The following CCDC13 variants were observed in gnomAD, a reference collection of about 807,000 sequenced individuals.
CCDC13 encodes the protein coiled-coil domain-containing protein 13.
Under a neutral mutation model 87.3 loss-of-function variants are expected in CCDC13, and 70 were observed. The ratio of observed to expected loss-of-function variants is 0.80; its 90% CI spans 0.66 to 0.98. The LOEUF is 0.98. Ranked by LOEUF, CCDC13 falls within the 50% of genes least tolerant of loss-of-function variation. CCDC13 has a pLI of 0.00. For synonymous variants in CCDC13, 317 were observed against 360.3 expected, an observed-to-expected ratio of 0.88 and a Z score of 1.36; for missense variants, 842 against 892.0, an observed-to-expected ratio of 0.94 and a Z score of 0.71.
At chr3:42,771,396 A>G (rs1036972498) in intron 1 of CCDC13, among the ~76,000 whole-genome samples, 3 of 152,154 alleles carry the variant, frequency 2.0e-5, no homozygotes, top group Non-Finnish European at 2.9e-5. Flanking sequence ...ACTGTTCTGT[A>G]TACTTTACTG....
intron 1 of CCDC13, among the ~76,000 whole-genome samples, chr3:42,771,758 ACAG>A (rs1314620890): frequency 2.7e-5 from 4 of 146,498 alleles, no homozygotes; most frequent in East Asian, 3.9e-4. Context: ...CTGTCTCAAT[ACAG>A]CAGCAGCAAC....
At chr3:42,758,093 A>ACACACC (rs1699746531) in intron 2 of CCDC13, 32 bp downstream of exon 2, 1 of 1,500,442 alleles carries the variant, frequency 6.7e-7, no homozygotes, top group Non-Finnish European at 9.2e-7. Context: ...ACACACACAC[A>ACACACC]CACCCCTGAG....
chr3:42,718,699 C>T (rs766416191), intron 13 of CCDC13, among the ~76,000 whole-genome samples: 11 of 151,966 alleles, frequency 7.2e-5, no homozygotes, highest in Non-Finnish European at 1.3e-4. Flanking sequence ...ACCACGGAAG[C>T]GACTATAGTG....
At chr3:42,739,548 G>T in intron 9 of CCDC13, 86 bp downstream of exon 9, 2 of 1,454,358 alleles carry the variant, frequency 1.4e-6, no homozygotes, top group Non-Finnish European at 1.9e-6. Context: ...TGAGGGGTGA[G>T]TGAGGGCTCA....
Position 42,767,024 on chromosome 3 carries a change from C to G in CCDC13, c.-7+6152G>C, listed in dbSNP as rs143115018. 5.4e-3 allele frequency among the ~76,000 whole-genome samples: 817 copies of G among 152,280 alleles called. 7 individuals carry two copies. Among genetic ancestry groups the G allele is most frequent in the African/African-American group, 0.019 (785 of 41,556 alleles). Reference sequence around the variant, plus strand: ...TGACAAGATGTCCCTTCTCTCTACTCTCTTTCAACATCATACTAGAAGTTC... The same window carrying G: ...TGACAAGATGTCCCTTCTCTCTACTGTCTTTCAACATCATACTAGAAGTTC... On this transcript the variant is annotated intron_variant, in intron 1 of 15. Coordinates refer to ENST00000310232, the MANE Select transcript of CCDC13 (RefSeq NM_144719.4).
Position 42,708,896 on chromosome 3 carries a change from G to T in CCDC13, c.*84C>A. ...CTGGCTGCCCTGGGCTGGCTTCCCG[G>T]AGCAGATGGAGTCCTCAGACAGAGT... On this transcript the variant is annotated 3_prime_UTR_variant, in exon 16 of 16. Transcript: ENST00000310232. The T allele has an allele frequency of 7.0e-7, 1 of 1,425,348 alleles. No individual in the cohort carries two copies. The highest frequency in any genetic ancestry group is 9.3e-7 in the Non-Finnish European group (1 of 1,072,710). The allele number at this position is 1,425,348 out of a possible 1,614,324, so 88.3% of individuals were successfully genotyped here.
chr3:42,733,718 G>A lies in CCDC13; in HGVS notation c.1372-109C>T, dbSNP rs1304136455. ...GGGGCTTTCAGAGGATATGAAAGAG[G>A]CTTCTTTTCAGGAGTGAAAAGCGAG... On this transcript the variant is annotated intron_variant, in intron 10 of 15. Coordinates refer to ENST00000310232, the MANE Select transcript of CCDC13 (RefSeq NM_144719.4). The A allele has an allele frequency of 2.9e-6, 4 of 1,386,034 alleles. No homozygotes were observed. The African/African-American group carries it at 4.4e-5, about 15-fold the overall frequency. 85.9% of individuals were successfully genotyped at this position (1,386,034 alleles called of 1,614,324 possible).
At chr3:42,751,608 T>A (rs1699580495) in intron 5 of CCDC13, among the ~76,000 whole-genome samples, 1 of 152,230 alleles carries the variant, frequency 6.6e-6, no homozygotes, top group African/African-American at 2.4e-5. Context: ...GGGAGGTCAG[T>A]TGGACCAGGC....
chr3:42,720,003 A>T (rs1698523910), intron 13 of CCDC13, among the ~76,000 whole-genome samples: 1 of 152,248 alleles, frequency 6.6e-6, no homozygotes, highest in Admixed American at 6.5e-5. Flanking sequence ...TCAAAAATGT[A>T]AACATTTAGT....
At chr3:42,748,140 T>C (rs1258186870) in intron 5 of CCDC13, among the ~76,000 whole-genome samples, 1 of 151,944 alleles carries the variant, frequency 6.6e-6, no homozygotes, top group Non-Finnish European at 1.5e-5. Flanking sequence ...TTAAATGGGC[T>C]GACTACTTCT....
At chr3:42,710,056 C>T (rs1157890962) in intron 14 of CCDC13, among the ~76,000 whole-genome samples, 1 of 152,132 alleles carries the variant, frequency 6.6e-6, no homozygotes, top group African/African-American at 2.4e-5. Flanking sequence ...TTCCTCACCA[C>T]CCTGTCTCCA....
At chr3:42,763,346 AGTTT>A (rs1469853708) in intron 1 of CCDC13, among the ~76,000 whole-genome samples, 1 of 152,224 alleles carries the variant, frequency 6.6e-6, no homozygotes, top group Non-Finnish European at 1.5e-5. Flanking sequence ...GGCTACAGTT[AGTTT>A]AACACATCCC....
At chr3:42,771,103 TA>T (rs1700082216) in intron 1 of CCDC13, 1 of 152,172 alleles carries the variant, frequency 6.6e-6, no homozygotes, top group East Asian at 1.9e-4. Flanking sequence ...GGTACACTCA[TA>T]CCGGTGAATA....
At chr3:42,770,967 G>GTCTGCGGC (rs1700072093) in intron 1 of CCDC13, 2 of 152,318 alleles carry the variant, frequency 1.3e-5, no homozygotes, top group Middle Eastern at 3.4e-3. Flanking sequence ...CACCGCGAGG[G>GTCTGCGGC]TCTGCGGCTT....
In CCDC13 at chr3:42,751,988, G is replaced by A. The variant is rs1479761411; in HGVS notation, c.551C>T (p.Ala184Val). The change falls in exon 5 of 16, where the codon GCC becomes GTC. Residue 184 changes from alanine to valine, a missense_variant. Transcript: ENST00000310232. ...CGGTGGCTTGGCTCCTGCGTCGGTG[G>A]CCCCCTTGGCTGACAGCCTGGTCAG... The part of the protein sequence containing the change: ...TALTRLSAKG[A>V]TDAGAKPPRA... 2 of 1,609,702 alleles carry A rather than the reference G, an allele frequency of 1.2e-6. No individual in the cohort carries two copies. The highest frequency in any genetic ancestry group is 8.5e-7 in the Non-Finnish European group (1 of 1,179,984).
chr3:42,746,943 G>A, intron 6 of CCDC13: 1 of 475,094 alleles, frequency 2.1e-6, no homozygotes, highest in Non-Finnish European at 3.9e-6. Context: ...GTAGTGCAGG[G>A]AAGGCTTAAT....
chr3:42,730,534 C>A lies in CCDC13; in HGVS notation c.1651G>T (p.Ala551Ser). 2 of 1,614,168 alleles carry A rather than the reference C, an allele frequency of 1.2e-6. No homozygotes were observed. The highest frequency in any genetic ancestry group is 1.7e-6 in the Non-Finnish European group (2 of 1,180,006). ...GWQAQVSEIK[A>S]LWQAAEVERD... Reference sequence around the variant, plus strand: ...TCCACCTCGGCAGCCTGCCAGAGGGCCTTGATCTCTGACACTTGTGCCTGC... The same window carrying A: ...TCCACCTCGGCAGCCTGCCAGAGGGACTTGATCTCTGACACTTGTGCCTGC... Residue 551 changes from alanine (A) to serine (S), a missense_variant, in exon 13 of 16, where the codon GCC (alanine) becomes TCC (serine). Physicochemically the swap from Ala to Ser is moderately conservative, Grantham distance 99. Transcript: ENST00000310232.
intron 6 of CCDC13, 118 bp from the exon 7 acceptor site, chr3:42,746,145 A>G (rs1014768791): frequency 1.2e-5 from 9 of 758,670 alleles, no homozygotes; most frequent in Non-Finnish European, 2.0e-5. Context: ...TCTTCTTCCC[A>G]TCTCAGAGCA....
intron 8 of CCDC13, chr3:42,740,868 T>C (rs1699193793): frequency 6.6e-6 from 1 of 152,152 alleles, no homozygotes; most frequent in African/African-American, 2.4e-5. Flanking sequence ...CTTGATGAAG[T>C]GAATTATAGA....
Sources: gnomAD v4.1 joint callset for allele counts (sites outside exome capture counted in the v4.1 genomes callset) on GRCh38, gnomAD v4.1.1 for gene constraint, MANE v1.5 for transcripts, NCBI Gene and HGNC (gene_info 2026-07-23, HGNC 2026-07-21) for gene names.